Variants in SAMD12 observed in about 807,000 individuals in gnomAD.
The protein encoded by SAMD12 is sterile alpha motif domain containing 12.
In SAMD12, 9 loss-of-function variants were observed where a neutral mutation model predicts 15.0. The observed-to-expected ratio is 0.60, with a 90% CI of 0.36 to 1.05. SAMD12 has a LOEUF of 1.05. Among genes scored for constraint, SAMD12 ranks in the 50% least tolerant of loss-of-function variants. The pLI is 0.01. For missense variants in SAMD12, 230 were observed against 234.2 expected, an observed-to-expected ratio of 0.98 and a Z score of 0.12; for synonymous variants, 86 against 90.1, an observed-to-expected ratio of 0.96 and a Z score of 0.25.
intron 4 of SAMD12, among the ~76,000 whole-genome samples, chr8:118,358,238 C>T (rs141191280): frequency 4.6e-5 from 7 of 152,280 alleles, no homozygotes; most frequent in South Asian, 2.1e-4. Flanking sequence ...ATACTTCATC[C>T]GGCCAGACCA....
chr8:118,177,087 C>T, the SAMD12 span, among the ~76,000 whole-genome samples: 8 of 152,192 alleles, frequency 5.3e-5, no homozygotes, highest in South Asian at 2.1e-4. Flanking sequence ...GGATGCGTTT[C>T]GGGTATCACA....
intron 2 of SAMD12, among the ~76,000 whole-genome samples, chr8:118,470,004 C>CAT (rs1370335072): frequency 6.6e-6 from 1 of 152,010 alleles, no homozygotes; most frequent in Non-Finnish European, 1.5e-5. Context: ...CACGCACATA[C>CAT]ATATATATGT....
intron 4 of SAMD12, among the ~76,000 whole-genome samples, chr8:118,231,334 T>C (rs1269555052): frequency 6.6e-6 from 1 of 152,124 alleles, no homozygotes. Context: ...AACTGACAGA[T>C]CACTTGGCAA....
At chr8:118,413,763 T>C (rs1821544819) in intron 3 of SAMD12, among the ~76,000 whole-genome samples, 1 of 152,098 alleles carries the variant, frequency 6.6e-6, no homozygotes, top group Non-Finnish European at 1.5e-5. Context: ...TCAGTAAATA[T>C]AGGAAGAAGG....
At chr8:118,154,920 C>T in the SAMD12 span, among the ~76,000 whole-genome samples, 2,575 of 152,162 alleles carry the variant, frequency 0.017, 72 homozygotes, top group African/African-American at 0.058. Context: ...CAGTTTGGGG[C>T]AGCAAATGGA....
At chr8:118,603,017 C>T (rs895070382) in intron 1 of SAMD12, among the ~76,000 whole-genome samples, 7 of 151,612 alleles carry the variant, frequency 4.6e-5, no homozygotes, top group African/African-American at 9.7e-5. Flanking sequence ...TTCCAAAAAC[C>T]GAGGTCTTAG....
chr8:118,496,537 G>C (rs1419546248), intron 2 of SAMD12, among the ~76,000 whole-genome samples: 2 of 152,242 alleles, frequency 1.3e-5, no homozygotes, highest in South Asian at 2.1e-4. Flanking sequence ...ATTGAAACTG[G>C]AACACTTTCT....
At chr8:118,468,963 C>T (rs941117931) in intron 2 of SAMD12, among the ~76,000 whole-genome samples, 5 of 152,166 alleles carry the variant, frequency 3.3e-5, no homozygotes, top group African/African-American at 1.2e-4. Flanking sequence ...ATATAGGATT[C>T]TGCTGGATTT....
chr8:118,334,593 C>T (rs774821781), intron 4 of SAMD12, among the ~76,000 whole-genome samples: 25 of 151,994 alleles, frequency 1.6e-4, no homozygotes, highest in Non-Finnish European at 2.8e-4. Context: ...CATTTGGAAT[C>T]GGCCTTTCTC....
the SAMD12 span, among the ~76,000 whole-genome samples, chr8:118,147,579 C>G: frequency 1.3e-5 from 2 of 152,096 alleles, no homozygotes; most frequent in Non-Finnish European, 2.9e-5. Flanking sequence ...TCAGGCTGGT[C>G]TCAAACTCCT....
chr8:118,180,484 A>C, the SAMD12 span, among the ~76,000 whole-genome samples: 4,567 of 152,090 alleles, frequency 0.03, 90 homozygotes, highest in South Asian at 0.075. Context: ...TAGGCAGAGA[A>C]ATGTGGCTCA....
chr8:118,220,462 T>C (rs1002917086), intron 4 of SAMD12, among the ~76,000 whole-genome samples: 3 of 152,224 alleles, frequency 2.0e-5, no homozygotes, highest in East Asian at 1.9e-4. Flanking sequence ...TAGGAATCTA[T>C]AGGCCCTTTA....
chr8:118,275,181 C>A (rs1813443233), intron 4 of SAMD12, among the ~76,000 whole-genome samples: 1 of 152,062 alleles, frequency 6.6e-6, no homozygotes, highest in Non-Finnish European at 1.5e-5. Context: ...GGTTGTAGAA[C>A]TTTATAGAAT....
At chr8:118,465,755 A>G (rs1823577709) in intron 2 of SAMD12, among the ~76,000 whole-genome samples, 1 of 152,194 alleles carries the variant, frequency 6.6e-6, no homozygotes, top group Non-Finnish European at 1.5e-5. Context: ...TGACTGCCTT[A>G]GTATTCCATG....
chr8:118,216,407 A>G (rs1176355694), intron 4 of SAMD12, among the ~76,000 whole-genome samples: 1 of 151,444 alleles, frequency 6.6e-6, no homozygotes, highest in Admixed American at 6.6e-5. Context: ...CCCATTTTGT[A>G]GGTTGCCTGT....
intron 2 of SAMD12, among the ~76,000 whole-genome samples, chr8:118,498,187 C>T (rs1011298464): frequency 8.5e-5 from 13 of 152,126 alleles, no homozygotes; most frequent in South Asian, 4.1e-4. Flanking sequence ...CTTTTAAAGA[C>T]GGTGTTTTGC....
At chr8:118,389,733 G>A (rs561245380) in intron 3 of SAMD12, among the ~76,000 whole-genome samples, 2 of 142,952 alleles carry the variant, frequency 1.4e-5, no homozygotes, top group South Asian at 4.3e-4. Flanking sequence ...AAAAAAAAAA[G>A]ATAGACGGTA....
rs147969646 is a variant in SAMD12 at position 118,419,632 on chromosome 8, C to T, written c.322+20200G>A. Reference sequence around the variant, plus strand: ...TGTTGGGAGAGAGGCTATTCTTTTACTTGAACTTAGTGGGAGCTCATTTTG... The same window carrying T: ...TGTTGGGAGAGAGGCTATTCTTTTATTTGAACTTAGTGGGAGCTCATTTTG... On this transcript the variant is annotated intron_variant, in intron 3 of 3. Coordinates refer to ENST00000314727, the MANE Select transcript of SAMD12 (RefSeq NM_207506.3). 2.1e-3 allele frequency among the ~76,000 whole-genome samples: 327 copies of T among 152,250 alleles called. 2 individuals are homozygous for T. Among genetic ancestry groups the T allele is most frequent in the East Asian group, 0.014 (71 of 5,178 alleles).
At chr8:118,325,541 G>A (rs1816526182) in intron 4 of SAMD12, among the ~76,000 whole-genome samples, 1 of 152,128 alleles carries the variant, frequency 6.6e-6, no homozygotes, top group African/African-American at 2.4e-5. Flanking sequence ...AAATTAATTA[G>A]CATATCTATC....
Sources: allele counts gnomAD v4.1 joint callset (sites outside exome capture counted in the v4.1 genomes callset), GRCh38; gene constraint gnomAD v4.1.1; transcripts MANE v1.5; gene names NCBI Gene and HGNC (gene_info 2026-07-23, HGNC 2026-07-21).